SLC17A7: variants seen among roughly 807,000 people sequenced by gnomAD.
The protein encoded by SLC17A7 is vesicular glutamate transporter 1.
A neutral mutation model predicts 59.1 loss-of-function variants in SLC17A7; 15 were observed. The ratio of observed to expected loss-of-function variants is 0.25; its 90% confidence interval spans 0.17 to 0.39. The LOEUF is 0.39. SLC17A7 is among the 10% of genes least tolerant of loss of function. SLC17A7 has a pLI of 1.00. For missense variants in SLC17A7, 499 were observed against 765.1 expected (o/e 0.65, Z 4.10); for synonymous variants, 353 against 308.9 (o/e 1.14, Z -1.50).
rs1217366123 is a variant in SLC17A7, at chr19:49,431,201, T to C, written c.1262-59A>G. On this transcript the variant is annotated intron_variant, in intron 10 of 11. Transcript: ENST00000221485. This position sits in a 1 kb window ranked among gnomAD's most constrained non-coding sequence, Gnocchi z 4.6. ...GGAATCTCACTCGAGTGATTCCCAC[T>C]GGGACGTTCTCAACCCTCTCCCCTC... 167 of 1,577,608 alleles carry C rather than the reference T, an allele frequency of 1.1e-4. 3 individuals are homozygous for C. In the South Asian group the frequency reaches 1.9e-3, roughly 18 times the overall value.
rs1261931162 is a variant in SLC17A7, at chr19:49,436,581, T to G, written c.283A>C (p.Thr95Pro). Residue 95 changes from threonine to proline, a missense_variant, in exon 2 of 12, where the codon ACG (threonine) becomes CCG (proline). Transcript: ENST00000221485. The surrounding 1 kb of genome is among the most constrained non-coding windows in gnomAD (Gnocchi z 4.1). ...VAIVSMVNNS[T>P]THRGGHVVVQ... ...ACCACGTGGCCCCCGCGGTGGGTCGTGCTGTTATTGACCATGGAGACGATG... is the reference window on the plus strand; with the variant it reads ...ACCACGTGGCCCCCGCGGTGGGTCGGGCTGTTATTGACCATGGAGACGATG... 6 of 1,613,740 alleles carry G rather than the reference T, an allele frequency of 3.7e-6. No individual in the cohort carries two copies. The highest frequency in any genetic ancestry group is 5.1e-6 in the Non-Finnish European group (6 of 1,179,940).
At position 49,432,853 on chromosome 19, in the gene SLC17A7, C is replaced by A; in HGVS notation, c.975G>T (p.Gln325His). The change falls in exon 8 of 12, where the codon CAG becomes CAT. Residue 325 changes from glutamine to histidine, a missense_variant. Coordinates refer to ENST00000221485, the MANE Select transcript of SLC17A7 (RefSeq NM_020309.4). ...SWTFYLLLIS[Q>H]PAYFEEVFGF... ...CGAACACTTCTTCGAAGTAGGCGGG[C>A]TGGGAGATGAGCAGCAGGTAGAACG... 6.3e-7 allele frequency: 1 copy of A among 1,592,508 alleles called. No homozygotes were observed. Among genetic ancestry groups the A allele is most frequent in the Non-Finnish European group, 8.6e-7 (1 of 1,169,240 alleles).
At chr19:49,432,753 G>A in intron 8 of SLC17A7, 58 bp downstream of exon 8, 1 of 1,595,820 alleles carries the variant, frequency 6.3e-7, no homozygotes, top group Non-Finnish European at 8.5e-7. Context: ...CGGGATCGCC[G>A]CCAGTTCCCT....
At position 49,433,979 on chromosome 19, in the gene SLC17A7, G is replaced by A. The variant is rs1281343852; in HGVS notation, c.705C>T (p.Ser235=). ...CCTCACCGTAGACGTAGAAAACAGA[G>A]CTCCATCCTGAGTACTGCACAAGGA... The part of the protein sequence containing the change: ...AGVLVQYSGW[S]SVFYVYGSFG... The change falls in exon 6 of 12, where the codon AGC becomes AGT. Residue 235 remains serine, a synonymous_variant. Transcript: ENST00000221485. This position sits in a 1 kb window ranked among gnomAD's most constrained non-coding sequence, Gnocchi z 5.7. The A allele has an allele frequency of 1.2e-6, 2 of 1,613,616 alleles. No homozygotes were observed. Among genetic ancestry groups the A allele is most frequent in the Admixed American group, 3.3e-5 (2 of 59,994 alleles).
intron 11 of SLC17A7, 22 bp from the exon 12 acceptor site, chr19:49,430,834 A>G (rs767590239): frequency 1.3e-6 from 2 of 1,587,392 alleles, no homozygotes; most frequent in South Asian, 1.1e-5. Context: ...AATAGGGCTG[A>G]GGTCAAATGG....
intron 1 of SLC17A7, among the ~76,000 whole-genome samples, chr19:49,438,968 AT>A (rs1256741015): frequency 6.6e-6 from 1 of 152,150 alleles, no homozygotes; most frequent in Non-Finnish European, 1.5e-5. Context: ...GATATCAATC[AT>A]TTTAGAGCAA....
chr19:49,436,981 T>C lies in SLC17A7; in HGVS notation c.63-180A>G. ...GCCCCCCTGATCCAGAAATCCTCCA[T>C]CTCCCTCAGACCGGGAATTCAGGCC... On this transcript the variant is annotated intron_variant, in intron 1 of 11. Transcript: ENST00000221485. The surrounding 1 kb of genome is among the most constrained non-coding windows in gnomAD (Gnocchi z 4.1). 1.2e-6 allele frequency: 1 copy of C among 840,396 alleles called. No homozygotes were observed. Among genetic ancestry groups the C allele is most frequent in the Non-Finnish European group, 1.8e-6 (1 of 561,124 alleles). The allele number at this position is 840,396 out of a possible 1,614,324, so 52.1% of individuals were successfully genotyped here.
intron 1 of SLC17A7, among the ~76,000 whole-genome samples, chr19:49,439,995 G>A (rs896610472): frequency 2.0e-5 from 3 of 152,098 alleles, no homozygotes; most frequent in Admixed American, 6.5e-5. Flanking sequence ...GAAAGGAGGC[G>A]AGAAAAAGGG....
chr19:49,429,785 T>C lies in SLC17A7; in HGVS notation c.*734A>G. 5.1e-6 allele frequency: 2 copies of C among 390,858 alleles called. No individual in the cohort carries two copies. The highest frequency in any genetic ancestry group is 9.0e-6 in the Non-Finnish European group (2 of 221,394). 24.2% of individuals were successfully genotyped at this position (390,858 alleles called of 1,614,324 possible). On this transcript the variant is annotated 3_prime_UTR_variant, in exon 12 of 12. Transcript: ENST00000221485. ...GTTCATGGACTGGAGCAGCCACTATTTAGACCTGAAAACCATGTCAGAAAA... is the reference window on the plus strand; with the variant it reads ...GTTCATGGACTGGAGCAGCCACTATCTAGACCTGAAAACCATGTCAGAAAA...
rs1238230615 is a variant in SLC17A7, at chr19:49,430,741, C to G, written c.1461G>C (p.Gly487=). ...LVHYGGVIFY[G]VFASGEKQPW... ...GCTGCTTCTCTCCAGAAGCAAAGACCCCGTAGAAGATGACACCTCCATAGT... is the reference window on the plus strand; with the variant it reads ...GCTGCTTCTCTCCAGAAGCAAAGACGCCGTAGAAGATGACACCTCCATAGT... The change falls in exon 12 of 12, where the codon GGG becomes GGC. Residue 487 remains glycine (G), a synonymous_variant. Coordinates refer to ENST00000221485, the MANE Select transcript of SLC17A7 (RefSeq NM_020309.4). The G allele has an allele frequency of 6.2e-7, 1 of 1,614,070 alleles. No homozygotes were observed. Among genetic ancestry groups the G allele is most frequent in the Non-Finnish European group, 8.5e-7 (1 of 1,179,994 alleles).
rs1476520143 is a variant in SLC17A7 at position 49,436,517 on chromosome 19, G to A, written c.315+32C>T. 3 of 1,601,764 alleles carry A rather than the reference G, an allele frequency of 1.9e-6. No homozygotes were observed. The highest frequency in any genetic ancestry group is 2.6e-6 in the Non-Finnish European group (3 of 1,175,286). ...GTAGGCGGAGCTCGGTGAGCGGGGCGGGGCTCTGCAAGGGCTCAGGCCTTG... is the reference window on the plus strand; with the variant it reads ...GTAGGCGGAGCTCGGTGAGCGGGGCAGGGCTCTGCAAGGGCTCAGGCCTTG... On this transcript the variant is annotated intron_variant, in intron 2 of 11. Coordinates refer to ENST00000221485, the MANE Select transcript of SLC17A7 (RefSeq NM_020309.4). This position sits in a 1 kb window ranked among gnomAD's most constrained non-coding sequence, Gnocchi z 4.1.
rs1018886200 is a variant in SLC17A7 at position 49,432,654 on chromosome 19, G to A, written c.1018-3C>T. The A allele has an allele frequency of 2.6e-6, 4 of 1,561,030 alleles. No homozygotes were observed. The highest frequency in any genetic ancestry group is 3.5e-5 in the African/African-American group (2 of 57,656). On this transcript the variant is annotated splice_region_variant and splice_polypyrimidine_tract_variant and intron_variant, in intron 8 of 11. Transcript: ENST00000221485. The stretch of plus-strand genomic sequence containing the variant: ...GGCAGCGCGGACACCAGGCCTACCT[G>A]CGGGAACAGGTGTACAGGGACACTA...
chr19:49,436,186 A>G lies in SLC17A7; in HGVS notation c.315+363T>C. ...AGGAACCTGAGATGGGACTGAGATT[A>G]AATAGATGTGACCCGGGGACATGAG... On this transcript the variant is annotated intron_variant, in intron 2 of 11. Transcript: ENST00000221485. The surrounding 1 kb of genome is among the most constrained non-coding windows in gnomAD (Gnocchi z 4.1). 1 of 271,136 alleles carries G rather than the reference A, an allele frequency of 3.7e-6. No homozygotes were observed. Among genetic ancestry groups the G allele is most frequent in the Non-Finnish European group, 7.2e-6 (1 of 139,782 alleles). 16.8% of individuals were successfully genotyped at this position (271,136 alleles called of 1,614,324 possible).
chr19:49,431,007 GC>G lies in SLC17A7; in HGVS notation c.1389+7del, dbSNP rs2078957228. On this transcript the variant is annotated splice_region_variant and intron_variant, in intron 11 of 11. Transcript: ENST00000221485. The surrounding 1 kb of genome is among the most constrained non-coding windows in gnomAD (Gnocchi z 4.6). ...GGAGGCAGACTGAGTCAGGACTGCG[GC>G]ACCCACCTTGTGCTTAGTCATGGCC... 1.9e-6 allele frequency: 3 copies of G among 1,602,264 alleles called. No individual in the cohort carries two copies. Among genetic ancestry groups the G allele is most frequent in the African/African-American group, 2.7e-5 (2 of 74,750 alleles).
rs2078962530 is a variant in SLC17A7, at chr19:49,431,994, G to A, written c.1150+525C>T. On this transcript the variant is annotated intron_variant, in intron 9 of 11. Coordinates refer to ENST00000221485, the MANE Select transcript of SLC17A7 (RefSeq NM_020309.4). This position sits in a 1 kb window ranked among gnomAD's most constrained non-coding sequence, Gnocchi z 4.6. ...TTTTCTAGAAACAAAGTCTCGCTCT[G>A]TCGCCCAGGCTGGAGTGCTGCGGCG... Among the ~76,000 whole-genome samples the A allele has an allele frequency of 6.6e-6, 1 of 152,066 alleles. No individual in the cohort carries two copies. The highest frequency in any genetic ancestry group is 2.4e-5 in the African/African-American group (1 of 41,394).
intron 5 of SLC17A7, 50 bp downstream of exon 5, chr19:49,434,552 C>G: frequency 6.4e-7 from 1 of 1,556,308 alleles, no homozygotes; most frequent in East Asian, 2.2e-5. Context: ...AGTCCAGGCC[C>G]CAACCCCTCC....
chr19:49,434,363 C>T (rs1030012044), intron 5 of SLC17A7, among the ~76,000 whole-genome samples: 3 of 150,172 alleles, frequency 2.0e-5, no homozygotes, highest in Non-Finnish European at 3.0e-5. Flanking sequence ...GAGTGCGGGC[C>T]TCCAGTCCCT....
chr19:49,434,532 CAGA>C, intron 5 of SLC17A7, 67 bp downstream of exon 5: 7 of 1,415,336 alleles, frequency 4.9e-6, no homozygotes, highest in Non-Finnish European at 6.7e-6. Flanking sequence ...CCTCCCCGCT[CAGA>C]CCCAACAGTC....
chr19:49,433,907 C>T lies in SLC17A7; in HGVS notation c.725-39G>A, dbSNP rs763324674. The T allele has an allele frequency of 1.2e-6, 2 of 1,612,920 alleles. No homozygotes were observed. Among genetic ancestry groups the T allele is most frequent in the Non-Finnish European group, 1.7e-6 (2 of 1,179,494 alleles). On this transcript the variant is annotated intron_variant, in intron 6 of 11. Coordinates refer to ENST00000221485, the MANE Select transcript of SLC17A7 (RefSeq NM_020309.4). The surrounding 1 kb of genome is among the most constrained non-coding windows in gnomAD (Gnocchi z 5.7). ...GAGGGGGATGGGAGCGAGGTGAGGA[C>T]CGGCCCCGCTCCGCCCCAGCGCCAC...
Sources: allele counts gnomAD v4.1 joint callset (sites outside exome capture counted in the v4.1 genomes callset), GRCh38; gene constraint gnomAD v4.1.1; non-coding constraint Gnocchi (gnomAD v3.1); transcripts MANE v1.5; gene names NCBI Gene and HGNC (gene_info 2026-07-23, HGNC 2026-07-21).